Variants in EML2 observed in about 807,000 individuals in gnomAD.
EML2 encodes echinoderm microtubule-associated protein-like 2.
In EML2, 59 loss-of-function variants were observed where a neutral mutation model predicts 84.7. The ratio of observed to expected loss-of-function variants is 0.70; its 90% CI spans 0.56 to 0.86. EML2 has a LOEUF of 0.86. EML2 is among the 40% of genes least tolerant of loss of function. The pLI is 0.00. For synonymous variants in EML2, 352 were observed against 348.9 expected, an observed-to-expected ratio of 1.01 and a Z score of -0.10; for missense variants, 818 against 855.6, an observed-to-expected ratio of 0.96 and a Z score of 0.55.
chr19:45,637,139 C>T (rs1170301325), intron 3 of EML2, among the ~76,000 whole-genome samples: 2 of 152,216 alleles, frequency 1.3e-5, no homozygotes, highest in Non-Finnish European at 2.9e-5. Flanking sequence ...CGAGAAGGCT[C>T]TGGGCACCCA....
At chr19:45,621,675 C>G in intron 9 of EML2, 38 bp from the exon 10 acceptor site, 1 of 1,593,412 alleles carries the variant, frequency 6.3e-7, no homozygotes. Flanking sequence ...CAGGGAGAAG[C>G]CACCCCTATG....
chr19:45,613,169 G>C (rs1370931116), intron 18 of EML2, among the ~76,000 whole-genome samples: 2 of 152,126 alleles, frequency 1.3e-5, no homozygotes, highest in Non-Finnish European at 2.9e-5. Flanking sequence ...AAAGTGTTGC[G>C]ATTACAGGTG....
At chr19:45,641,890 G>A (rs955301493), upstream of EML2, 2 of 1,455,776 alleles carry the variant, frequency 1.4e-6, no homozygotes, top group Non-Finnish European at 1.8e-6. Flanking sequence ...TCTTGGAAGA[G>A]GCTGGGGGTC....
rs911176614 is a variant in EML2 at position 45,635,092 on chromosome 19, G to A, written c.180-621C>T. On this transcript the variant is annotated intron_variant, in intron 3 of 18. Transcript: ENST00000245925. Reference sequence around the variant, plus strand: ...TCTCAATCTCCTGACCTCATGATCCGCCCGCCTCAGCCTCCCAAAGTGCTG... The same window carrying A: ...TCTCAATCTCCTGACCTCATGATCCACCCGCCTCAGCCTCCCAAAGTGCTG... 6.0e-5 allele frequency among the ~76,000 whole-genome samples: 9 copies of A among 151,088 alleles called. No individual in the cohort carries two copies. The South Asian group carries it at 1.3e-3, about 21-fold the overall frequency.
intron 7 of EML2, 129 bp from the exon 8 acceptor site, chr19:45,626,968 T>TA: frequency 1.1e-6 from 1 of 945,290 alleles, no homozygotes; most frequent in African/African-American, 1.7e-5. Flanking sequence ...TTCTTTTTTT[T>TA]TTTTTTTTCA....
At chr19:45,633,231 G>T (rs1600190636) in intron 4 of EML2, 92 bp from the exon 5 acceptor site, 1 of 1,273,738 alleles carries the variant, frequency 7.9e-7, no homozygotes, top group Non-Finnish European at 1.1e-6. Context: ...TTGGCTGGTT[G>T]AGTTTAGTCA....
At position 45,616,538 on chromosome 19, in the gene EML2, C is replaced by T. The variant is rs1192276802; in HGVS notation, c.1432G>A (p.Gly478Ser). Residue 478 changes from glycine to serine, a missense_variant, in exon 15 of 19, where the codon GGC becomes AGC. Gly to Ser is a moderately conservative substitution (Grantham distance 56). Transcript: ENST00000245925. ...ACGTACACCAAGTTGTCGTGGGAGCCCACGGCCAGGTACGCCCCGTCTGGG... is the reference window on the plus strand; with the variant it reads ...ACGTACACCAAGTTGTCGTGGGAGCTCACGGCCAGGTACGCCCCGTCTGGG... ...FSPDGAYLAV[G>S]SHDNLVYVYT... The T allele has an allele frequency of 6.2e-7, 1 of 1,611,012 alleles. No individual in the cohort carries two copies.
chr19:45,614,829 T>C, intron 16 of EML2, 129 bp from the exon 17 acceptor site: 1 of 723,570 alleles, frequency 1.4e-6, no homozygotes, highest in Non-Finnish European at 2.4e-6. Context: ...ATTCTACCTG[T>C]CAGGACTGGC....
chr19:45,641,034 T>C (rs892704124), upstream of EML2: 6 of 153,150 alleles, frequency 3.9e-5, no homozygotes, highest in Non-Finnish European at 7.3e-5. Context: ...ATTCCTTATG[T>C]GAATACCTTC....
Position 45,619,168 on chromosome 19 carries a change from G to T in EML2, c.1146C>A (p.Gly382=). Residue 382 remains glycine (G), a synonymous_variant, in exon 12 of 19, where the codon GGC becomes GGA. Coordinates refer to ENST00000245925, the MANE Select transcript of EML2 (RefSeq NM_012155.4). ...LVQGHVEELW[G]LATHPSRAQF... is the part of the protein sequence containing the mutation. ...GGGCCCGACTGGGGTGTGTGGCCAGGCCCCACAGCTCTTCCACATGGCCCT... is the reference window on the plus strand; with the variant it reads ...GGGCCCGACTGGGGTGTGTGGCCAGTCCCCACAGCTCTTCCACATGGCCCT... 1 of 1,611,494 alleles carries T rather than the reference G, an allele frequency of 6.2e-7. No homozygotes were observed. Among genetic ancestry groups the T allele is most frequent in the Non-Finnish European group, 8.5e-7 (1 of 1,179,438 alleles).
At chr19:45,641,763 A>G, upstream of EML2, 1 of 1,535,934 alleles carries the variant, frequency 6.5e-7, no homozygotes, top group Non-Finnish European at 8.7e-7. Flanking sequence ...AAGAGAGCAC[A>G]CAGGTGGGGG....
chr19:45,644,400 A>T (rs976237278), upstream of EML2, among the ~76,000 whole-genome samples: 1 of 152,090 alleles, frequency 6.6e-6, no homozygotes, highest in African/African-American at 2.4e-5. Flanking sequence ...CAAAATAAGC[A>T]TTCTGGGTCC....
chr19:45,631,794 C>T (rs1289779845), intron 6 of EML2, among the ~76,000 whole-genome samples: 1 of 151,690 alleles, frequency 6.6e-6, no homozygotes, highest in Non-Finnish European at 1.5e-5. Flanking sequence ...CAGCCTCGAT[C>T]TCCTAGGCTC....
chr19:45,616,078 G>C (rs1011146879), intron 15 of EML2, 189 bp from the exon 16 acceptor site: 2 of 605,898 alleles, frequency 3.3e-6, no homozygotes, highest in Non-Finnish European at 5.9e-6. Flanking sequence ...GGGCCAGACT[G>C]TGATGGGCAG....
rs1971093804 is a variant in EML2, at chr19:45,616,522, A to G, written c.1448T>C (p.Leu483Ser). The G allele has an allele frequency of 3.7e-6, 6 of 1,610,702 alleles. 1 individual carries two copies. Among genetic ancestry groups the G allele is most frequent in the South Asian group, 3.3e-5 (3 of 90,960 alleles). Residue 483 changes from leucine (L) to serine (S), a missense_variant, in exon 15 of 19, where the codon TTG (leucine) becomes TCG (serine). Physicochemically the swap from Leu to Ser is moderately radical, Grantham distance 145. Coordinates refer to ENST00000245925, the MANE Select transcript of EML2 (RefSeq NM_012155.4). Reference sequence around the variant, plus strand: ...CTGGTCCACCGTGTACACGTACACCAAGTTGTCGTGGGAGCCCACGGCCAG... The same window carrying G: ...CTGGTCCACCGTGTACACGTACACCGAGTTGTCGTGGGAGCCCACGGCCAG... ...AYLAVGSHDN[L>S]VYVYTVDQGG...
chr19:45,623,518 G>A (rs1310627833), intron 9 of EML2: 1 of 151,748 alleles, frequency 6.6e-6, no homozygotes, highest in East Asian at 1.9e-4. Context: ...GCTAGAGTGA[G>A]ACCCTGTCTT....
chr19:45,619,053 C>G lies in EML2; in HGVS notation c.1254+7G>C. On this transcript the variant is annotated splice_region_variant and intron_variant, in intron 12 of 18. Transcript: ENST00000245925. The stretch of plus-strand genomic sequence containing the variant: ...AATGGTGCTTTTCCAGTCCCCGGGC[C>G]CCTTACCTCGATGATCCTGCTCCAC... 1 of 1,604,940 alleles carries G rather than the reference C, an allele frequency of 6.2e-7. No individual in the cohort carries two copies. The highest frequency in any genetic ancestry group is 2.2e-5 in the East Asian group (1 of 44,676).
rs768929790 is a variant in EML2, at chr19:45,615,804, T to C, written c.1595A>G (p.Tyr532Cys). ...VTNSGDYEIL[Y>C]WDPATCKQIT... Reference sequence around the variant, plus strand: ...TCTCTGGGTCCCGGAGAACTCACAGTACAGAATCTCATAGTCCCCGGAGTT... The same window carrying C: ...TCTCTGGGTCCCGGAGAACTCACAGCACAGAATCTCATAGTCCCCGGAGTT... The change falls in exon 16 of 19, where the codon TAC becomes TGC. Residue 532 changes from tyrosine to cysteine, a missense_variant and splice_region_variant. Tyr to Cys is a radical substitution (Grantham distance 194). Coordinates refer to ENST00000245925, the MANE Select transcript of EML2 (RefSeq NM_012155.4). 1.4e-5 allele frequency: 22 copies of C among 1,613,202 alleles called. No individual in the cohort carries two copies. Among genetic ancestry groups the C allele is most frequent in the South Asian group, 8.8e-5 (8 of 91,052 alleles).
chr19:45,639,043 T>C, intron 1 of EML2, 170 bp from the exon 2 acceptor site: 1 of 868,088 alleles, frequency 1.2e-6, no homozygotes, highest in Non-Finnish European at 2.0e-6. Context: ...CGGTTGATCT[T>C]GCAGAGCCTA....
Sources: allele counts gnomAD v4.1 joint callset (sites outside exome capture counted in the v4.1 genomes callset), GRCh38; gene constraint gnomAD v4.1.1; transcripts MANE v1.5; gene names NCBI Gene and HGNC (gene_info 2026-07-23, HGNC 2026-07-21).